LEMD3: variants seen among roughly 807,000 people sequenced by gnomAD.
LEMD3 encodes the protein inner nuclear membrane protein Man1.
Under a neutral mutation model 95.2 loss-of-function variants are expected in LEMD3, and 33 were observed. That is an observed-to-expected ratio of 0.35 (90% CI 0.26 to 0.46). LEMD3 has a LOEUF of 0.46. LEMD3 is among the 20% of genes least tolerant of loss of function. The pLI, the probability that LEMD3 is intolerant of heterozygous loss-of-function variation, is 1.00. For synonymous variants in LEMD3, 525 were observed against 474.6 expected (o/e 1.11, Z -1.38); for missense variants, 1,210 against 1,192.8 (o/e 1.01, Z -0.21).
intron 4 of LEMD3, among the ~76,000 whole-genome samples, chr12:65,224,780 GT>G (rs1394674455): frequency 1.3e-5 from 2 of 152,082 alleles, no homozygotes; most frequent in African/African-American, 4.8e-5. Flanking sequence ...GGTTTGGGGA[GT>G]TTTGGGCCCC....
intron 4 of LEMD3, among the ~76,000 whole-genome samples, chr12:65,234,528 T>C (rs1240366161): frequency 1.3e-5 from 2 of 152,210 alleles, no homozygotes; most frequent in African/African-American, 4.8e-5. Flanking sequence ...TGGCATATTT[T>C]AGACCTCAAC....
chr12:65,243,285 A>G lies in LEMD3; in HGVS notation c.2306-103A>G. The stretch of plus-strand genomic sequence containing the variant: ...ACATCTAACCAGGGGTCTGGCTCCT[A>G]GTAAAAGCATGCAGTGAATATTTTT... On this transcript the variant is annotated intron_variant, in intron 9 of 12. Transcript: ENST00000308330. The G allele has an allele frequency of 6.6e-6, 5 of 756,862 alleles. No homozygotes were observed. In the South Asian group the frequency reaches 7.2e-5, roughly 11 times the overall value. The allele number at this position is 756,862 out of a possible 1,614,324, so 46.9% of individuals were successfully genotyped here.
chr12:65,209,076 G>A lies in LEMD3; in HGVS notation c.1523-1850G>A, dbSNP rs74101732. The stretch of plus-strand genomic sequence containing the variant: ...ACAAAGTGAAATAAAGAAGAGTGCC[G>A]AGATAGCACAACAAGCATTTTTCAA... On this transcript the variant is annotated intron_variant, in intron 1 of 12. Transcript: ENST00000308330. Among the ~76,000 whole-genome samples the A allele has an allele frequency of 2.6e-3, 388 of 152,130 alleles. 3 individuals carry two copies. The highest frequency in any genetic ancestry group is 8.5e-3 in the African/African-American group (354 of 41,526).
chr12:65,172,794 C>G (rs1868596652), intron 1 of LEMD3, among the ~76,000 whole-genome samples: 2 of 150,344 alleles, frequency 1.3e-5, no homozygotes, highest in African/African-American at 4.9e-5. Flanking sequence ...GGCACAATCT[C>G]TGGTCACTGC....
chr12:65,176,293 C>T (rs1868717508), intron 1 of LEMD3, among the ~76,000 whole-genome samples: 1 of 152,222 alleles, frequency 6.6e-6, no homozygotes. Context: ...ACCAGTCTCC[C>T]TTATCACACT....
chr12:65,174,018 A>G (rs1050291631), intron 1 of LEMD3, among the ~76,000 whole-genome samples: 7 of 152,154 alleles, frequency 4.6e-5, no homozygotes, highest in African/African-American at 1.4e-4. Context: ...TGTAGAGTTC[A>G]TTGGTCAAAT....
intron 4 of LEMD3, among the ~76,000 whole-genome samples, chr12:65,225,607 GT>G (rs1257078297): frequency 1.3e-5 from 2 of 152,274 alleles, no homozygotes; most frequent in East Asian, 3.9e-4. Context: ...TTGAGACAGA[GT>G]CTTGCTCTGT....
chr12:65,213,330 A>T (rs990298180), intron 2 of LEMD3, among the ~76,000 whole-genome samples: 1 of 152,082 alleles, frequency 6.6e-6, no homozygotes, highest in Non-Finnish European at 1.5e-5. Flanking sequence ...GGCTCAAGTT[A>T]TCCTCCCACC....
chr12:65,198,946 C>G (rs763054002), intron 1 of LEMD3, among the ~76,000 whole-genome samples: 1 of 152,044 alleles, frequency 6.6e-6, no homozygotes, highest in Non-Finnish European at 1.5e-5. Context: ...TTGTGGTAAA[C>G]TACAGGGGTG....
intron 1 of LEMD3, among the ~76,000 whole-genome samples, chr12:65,179,716 G>A (rs979362962): frequency 1.3e-4 from 20 of 152,028 alleles, no homozygotes; most frequent in African/African-American, 3.6e-4. Flanking sequence ...CATGGCACGC[G>A]TTTACCTATG....
intron 2 of LEMD3, 47 bp downstream of exon 2, chr12:65,211,010 T>A: frequency 7.4e-7 from 1 of 1,357,964 alleles, no homozygotes. Context: ...ATGTTTTATA[T>A]GATAAAAGCA....
At position 65,247,784 on chromosome 12, in the gene LEMD3, C is replaced by T. The variant is rs1449030204; in HGVS notation, c.*1459C>T. 6.6e-6 allele frequency: 1 copy of T among 152,542 alleles called. No individual in the cohort carries two copies. The highest frequency in any genetic ancestry group is 1.5e-5 in the Non-Finnish European group (1 of 67,994). 9.4% of individuals were successfully genotyped at this position (152,542 alleles called of 1,614,324 possible). On this transcript the variant is annotated 3_prime_UTR_variant, in exon 13 of 13. Transcript: ENST00000308330. ...TTTCTGGTTAAGTAAACATGATGCACACTATTCTGTAACAGAAAGCCCTAT... is the reference window on the plus strand; with the variant it reads ...TTTCTGGTTAAGTAAACATGATGCATACTATTCTGTAACAGAAAGCCCTAT...
In LEMD3 at chr12:65,245,725, G is replaced by A. The variant is rs776683114; in HGVS notation, c.2444G>A (p.Ser815Asn). The part of the protein sequence containing the change: ...AIQEAILEKC[S>N]DNDGIVHIAV... The stretch of plus-strand genomic sequence containing the variant: ...CAAGAAGCAATTTTAGAAAAATGCA[G>A]TGATAATGATGGCATTGTTCACATT... The change falls in exon 11 of 13, where the codon AGT becomes AAT. Residue 815 changes from serine to asparagine, a missense_variant. This residue lies in a region of LEMD3 where 461 missense variants were observed against 569.8 expected (regional missense o/e 0.81). Transcript: ENST00000308330. 1.2e-6 allele frequency: 2 copies of A among 1,613,958 alleles called. No homozygotes were observed. Among genetic ancestry groups the A allele is most frequent in the Non-Finnish European group, 1.7e-6 (2 of 1,179,896 alleles).
At chr12:65,171,536 C>T (rs1868550786) in intron 1 of LEMD3, 1 of 207,932 alleles carries the variant, frequency 4.8e-6, no homozygotes, top group Non-Finnish European at 1.0e-5. Flanking sequence ...AATGTAATAG[C>T]TCTTGAAATT....
At chr12:65,173,634 C>T (rs981033736) in intron 1 of LEMD3, among the ~76,000 whole-genome samples, 3 of 152,172 alleles carry the variant, frequency 2.0e-5, no homozygotes, top group African/African-American at 4.8e-5. Context: ...TGGTATTATT[C>T]AGAAATTTGG....
chr12:65,216,805 T>G (rs573311306), intron 3 of LEMD3, among the ~76,000 whole-genome samples: 41 of 152,292 alleles, frequency 2.7e-4, no homozygotes, highest in Non-Finnish European at 5.7e-4. Flanking sequence ...ATGGAGGTAT[T>G]TAGGATCCTG....
rs76641369 is a variant in LEMD3 at position 65,235,765 on chromosome 12, A to G, written c.1696-2737A>G. Among the ~76,000 whole-genome samples the G allele has an allele frequency of 5.1e-3, 783 of 152,282 alleles. 5 individuals are homozygous for G. The highest frequency in any genetic ancestry group is 8.5e-3 in the Non-Finnish European group (576 of 68,000). On this transcript the variant is annotated intron_variant, in intron 4 of 12. Transcript: ENST00000308330. ...TACTGAGGTATGACTGTATATATAA[A>G]TTAAATGTTGTAGTTTTATTTTTTT... is the stretch of plus-strand genomic sequence containing the variant.
At chr12:65,176,467 C>CT (rs896829714) in intron 1 of LEMD3, among the ~76,000 whole-genome samples, 4 of 152,176 alleles carry the variant, frequency 2.6e-5, no homozygotes, top group African/African-American at 9.7e-5. Context: ...GACTCTCCAT[C>CT]TTTTTACCCT....
chr12:65,225,770 C>T (rs187065238), intron 4 of LEMD3, among the ~76,000 whole-genome samples: 10 of 152,184 alleles, frequency 6.6e-5, no homozygotes, highest in Middle Eastern at 3.4e-3. Flanking sequence ...TTAGGAGAGA[C>T]GGGGTTTCAC....
Sources: allele counts gnomAD v4.1 joint callset (sites outside exome capture counted in the v4.1 genomes callset), GRCh38; gene constraint gnomAD v4.1.1; regional missense constraint gnomAD v4.1.1; transcripts MANE v1.5; gene names NCBI Gene and HGNC (gene_info 2026-07-23, HGNC 2026-07-21).